The following HMGN5 variants were observed in gnomAD, a reference collection of about 807,000 sequenced individuals.
The protein encoded by HMGN5 is high mobility group nucleosome-binding domain-containing protein 5.
In HMGN5, 4 loss-of-function variants were observed where a neutral mutation model predicts 9.5. The observed-to-expected ratio is 0.42, with a 90% CI of 0.21 to 0.96. HMGN5 has a LOEUF of 0.96. Among genes scored for constraint, HMGN5 ranks in the 40% least tolerant of loss-of-function variants. The pLI is 0.30. For missense variants in HMGN5, 192 were observed against 187.5 expected (o/e 1.02, Z -0.14); for synonymous variants, 55 against 57.1 (o/e 0.96, Z 0.16).
At chrX:81,177,856 C>T (rs1053405082) in intron 1 of HMGN5, among the ~76,000 whole-genome samples, 3 of 111,873 alleles carry the variant, frequency 2.7e-5, no homozygotes, top group Non-Finnish European at 5.6e-5. Flanking sequence ...GAAATCACAA[C>T]AAACTGTCTC....
chrX:81,169,175 GA>G (rs1267768233), intron 1 of HMGN5, among the ~76,000 whole-genome samples: 1 of 111,443 alleles, frequency 9.0e-6, no homozygotes, highest in Admixed American at 9.6e-5. Context: ...GGAGTAATTT[GA>G]AACCTGGATA....
rs148974636 is a variant in HMGN5, at chrX:81,133,919, T to C, written c.-123-12247A>G. 3.7e-3 allele frequency among the ~76,000 whole-genome samples: 415 copies of C among 111,774 alleles called. 1 individual carries two copies. Among genetic ancestry groups the C allele is most frequent in the African/African-American group, 0.012 (376 of 30,878 alleles). On this transcript the variant is annotated intron_variant, in intron 1 of 6. Coordinates refer to ENST00000358130, the MANE Select transcript of HMGN5 (RefSeq NM_030763.3). ...AGCTTCTTTAGGTTTTTGTTAGCAA[T>C]TACTTCAATGTTTCAAATAAATTTT... is the stretch of plus-strand genomic sequence containing the variant.
In HMGN5 at chrX:81,114,833, T is replaced by C. The variant is rs769914222; in HGVS notation, c.665A>G (p.Glu222Gly). The C allele has an allele frequency of 8.6e-7, 1 of 1,161,841 alleles. No individual in the cohort carries two copies. Among genetic ancestry groups the C allele is most frequent in the African/African-American group, 1.8e-5 (1 of 55,855 alleles). ...TTCTTTGACTTTTACATCTTTCCCC[T>C]CTTTTTTATCTCCCTTCTCTTTTCC... ...EDGKEKGDKK[E>G]GKDVKVKEDE... is the part of the protein sequence containing the mutation. The change falls in exon 7 of 7, where the codon GAG becomes GGG. Residue 222 changes from glutamate (E) to glycine (G), a missense_variant. Physicochemically the swap from Glu to Gly is moderately conservative, Grantham distance 98. Coordinates refer to ENST00000358130, the MANE Select transcript of HMGN5 (RefSeq NM_030763.3).
At chrX:81,125,037 C>T (rs1056977758) in intron 1 of HMGN5, among the ~76,000 whole-genome samples, 1 of 109,919 alleles carries the variant, frequency 9.1e-6, no homozygotes, top group African/African-American at 3.3e-5. Context: ...GAATGCTAAA[C>T]AGCCAAGATA....
In HMGN5 at chrX:81,161,852, A is replaced by G. The variant is rs2075398301; in HGVS notation, c.-124+39885T>C. Reference sequence around the variant, plus strand: ...ACCACTTGGCTTCTTTTCACTGCATATGATAAAACGCAAAAGGAAATATAC... The same window carrying G: ...ACCACTTGGCTTCTTTTCACTGCATGTGATAAAACGCAAAAGGAAATATAC... On this transcript the variant is annotated intron_variant, in intron 1 of 6. Transcript: ENST00000358130. Among the ~76,000 whole-genome samples, 4 of 109,814 alleles carry G rather than the reference A, an allele frequency of 3.6e-5. No homozygotes were observed. The Admixed American group carries it at 3.8e-4, about 11-fold the overall frequency.
At chrX:81,182,458 G>T (rs1175530714) in intron 1 of HMGN5, among the ~76,000 whole-genome samples, 1 of 111,882 alleles carries the variant, frequency 8.9e-6, no homozygotes, top group East Asian at 2.8e-4. Flanking sequence ...AATTGGTCAT[G>T]GGGTGATTTC....
At chrX:81,155,399 G>T (rs1415779168) in intron 1 of HMGN5, among the ~76,000 whole-genome samples, 1 of 108,275 alleles carries the variant, frequency 9.2e-6, no homozygotes, top group Non-Finnish European at 1.9e-5. Flanking sequence ...CTCAGCAATT[G>T]CCCTCTGGGT....
intron 1 of HMGN5, among the ~76,000 whole-genome samples, chrX:81,178,371 AG>A (rs1252813165): frequency 9.0e-6 from 1 of 111,575 alleles, no homozygotes; most frequent in Non-Finnish European, 1.9e-5. Flanking sequence ...AAAAGGATAA[AG>A]GGGATATCAC....
At chrX:81,143,421 C>T (rs193114484) in intron 1 of HMGN5, among the ~76,000 whole-genome samples, 32 of 112,185 alleles carry the variant, frequency 2.9e-4, no homozygotes, top group African/African-American at 3.9e-4. Flanking sequence ...CAGTTCCCAG[C>T]GAGATTGATG....
intron 1 of HMGN5, among the ~76,000 whole-genome samples, chrX:81,162,493 G>A (rs1424500464): frequency 9.1e-6 from 1 of 109,653 alleles, no homozygotes; most frequent in East Asian, 2.9e-4. Flanking sequence ...TCAAGCAGTA[G>A]GACAAAACAA....
intron 1 of HMGN5, among the ~76,000 whole-genome samples, chrX:81,198,678 C>T (rs1234398204): frequency 9.0e-6 from 1 of 111,666 alleles, no homozygotes; most frequent in Admixed American, 9.5e-5. Flanking sequence ...AATTTAACAG[C>T]CCTTCATGCT....
intron 1 of HMGN5, among the ~76,000 whole-genome samples, chrX:81,126,022 C>T (rs1024348567): frequency 1.8e-5 from 2 of 108,893 alleles, no homozygotes; most frequent in Non-Finnish European, 3.8e-5. Context: ...GTGGTGGATG[C>T]CTGTAATCTC....
intron 1 of HMGN5, among the ~76,000 whole-genome samples, chrX:81,187,291 G>A (rs779944157): frequency 4.5e-5 from 5 of 111,265 alleles, no homozygotes; most frequent in Non-Finnish European, 7.5e-5. Context: ...GCTGAAAGTC[G>A]GGTGTTTGAT....
At chrX:81,150,480 G>A (rs921355882) in intron 1 of HMGN5, among the ~76,000 whole-genome samples, 1 of 111,350 alleles carries the variant, frequency 9.0e-6, no homozygotes, top group African/African-American at 3.3e-5. Flanking sequence ...CAGGAGAATC[G>A]CTTTGAACCC....
intron 1 of HMGN5, among the ~76,000 whole-genome samples, chrX:81,166,849 G>C (rs184602106): frequency 9.0e-6 from 1 of 111,569 alleles, no homozygotes; most frequent in Non-Finnish European, 1.9e-5. Context: ...CTTGGACTCA[G>C]TCAGCCCAGC....
At chrX:81,116,801 AT>A (rs1045016459) in intron 5 of HMGN5, among the ~76,000 whole-genome samples, 1 of 111,938 alleles carries the variant, frequency 8.9e-6, no homozygotes, top group Non-Finnish European at 1.9e-5. Flanking sequence ...GAGAACAACA[AT>A]TTAGATATAT....
chrX:81,184,146 G>A (rs1039006422), intron 1 of HMGN5, among the ~76,000 whole-genome samples: 2 of 111,639 alleles, frequency 1.8e-5, no homozygotes. Flanking sequence ...AATAGCCAAT[G>A]TTGGAGAAGG....
chrX:81,170,925 G>T (rs1472462885), intron 1 of HMGN5, among the ~76,000 whole-genome samples: 1 of 110,638 alleles, frequency 9.0e-6, no homozygotes, highest in East Asian at 2.8e-4. Context: ...GACTCTCTGA[G>T]TTATACAGCA....
intron 1 of HMGN5, among the ~76,000 whole-genome samples, chrX:81,144,669 G>A (rs1175255642): frequency 2.7e-5 from 3 of 111,499 alleles, no homozygotes; most frequent in Non-Finnish European, 5.6e-5. Context: ...GACAGAAGCA[G>A]GCTTCAGAAG....
Sources: gnomAD v4.1 joint callset for allele counts (sites outside exome capture counted in the v4.1 genomes callset) on GRCh38, gnomAD v4.1.1 for gene constraint, MANE v1.5 for transcripts, NCBI Gene and HGNC (gene_info 2026-07-23, HGNC 2026-07-21) for gene names.